Variants in LRMDA observed in about 807,000 individuals in gnomAD.
The protein encoded by LRMDA is leucine rich melanocyte differentiation associated.
LRMDA carries 18 observed loss-of-function variants against 29.8 expected under a neutral mutation model. The observed-to-expected ratio is 0.60, with a 90% CI of 0.42 to 0.90. The LOEUF is 0.90. Ranked by LOEUF, LRMDA falls within the 40% of genes least tolerant of loss-of-function variation. LRMDA has a pLI of 0.00. For synonymous variants in LRMDA, 125 were observed against 109.4 expected, an observed-to-expected ratio of 1.14 and a Z score of -0.89; for missense variants, 273 against 273.9, an observed-to-expected ratio of 1.00 and a Z score of 0.02.
chr10:75,442,881 A>G (rs923893446), intron 2 of LRMDA, among the ~76,000 whole-genome samples: 1 of 152,046 alleles, frequency 6.6e-6, no homozygotes, highest in African/African-American at 2.4e-5. Flanking sequence ...AGTTTCTTTC[A>G]TCAATGTTTT....
At chr10:76,423,294 T>C (rs1842089138) in intron 6 of LRMDA, among the ~76,000 whole-genome samples, 1 of 152,116 alleles carries the variant, frequency 6.6e-6, no homozygotes, top group Non-Finnish European at 1.5e-5. Context: ...CTTGTGAGGC[T>C]GAGGTGGGAG....
chr10:75,815,632 T>C (rs1191940915), intron 2 of LRMDA, among the ~76,000 whole-genome samples: 2 of 152,152 alleles, frequency 1.3e-5, no homozygotes. Context: ...ACTCTGTTAG[T>C]TTAGGTCAGT....
intron 2 of LRMDA, among the ~76,000 whole-genome samples, chr10:75,829,408 A>C (rs1253277728): frequency 6.6e-6 from 1 of 152,184 alleles, no homozygotes; most frequent in Non-Finnish European, 1.5e-5. Context: ...GTGGCCCTGC[A>C]GCTTCTCTCT....
chr10:75,993,600 G>A (rs537392933), intron 2 of LRMDA, among the ~76,000 whole-genome samples: 7 of 152,076 alleles, frequency 4.6e-5, no homozygotes, highest in Admixed American at 4.6e-4. Flanking sequence ...AGGCGTGATG[G>A]TGGGTGCCTG....
In LRMDA at chr10:76,131,865, C is replaced by T. The variant is rs192405905; in HGVS notation, c.516+73082C>T. 7.3e-4 allele frequency among the ~76,000 whole-genome samples: 111 copies of T among 152,304 alleles called. 1 individual carries two copies. In the East Asian group the frequency reaches 0.018, roughly 25 times the overall value. On this transcript the variant is annotated intron_variant, in intron 5 of 6. Transcript: ENST00000611255. Reference sequence around the variant, plus strand: ...AGGATCTATACGACAAACAGCTATACTGTCAGCCCAGCTACTGTGCTTAGA... The same window carrying T: ...AGGATCTATACGACAAACAGCTATATTGTCAGCCCAGCTACTGTGCTTAGA...
chr10:76,211,904 G>A (rs1200348781), intron 5 of LRMDA, among the ~76,000 whole-genome samples: 1 of 152,102 alleles, frequency 6.6e-6, no homozygotes, highest in African/African-American at 2.4e-5. Context: ...TCTCCCTGGT[G>A]CACAGAATTG....
intron 2 of LRMDA, among the ~76,000 whole-genome samples, chr10:75,673,459 A>T (rs895463467): frequency 6.6e-6 from 1 of 152,174 alleles, no homozygotes; most frequent in Admixed American, 6.5e-5. Context: ...CCATAAACAC[A>T]AAGTATGGAA....
At chr10:76,486,642 T>G (rs1842785296) in intron 6 of LRMDA, among the ~76,000 whole-genome samples, 1 of 151,940 alleles carries the variant, frequency 6.6e-6, no homozygotes, top group African/African-American at 2.4e-5. Context: ...GTGGGGACCT[T>G]CTTTAGGTTC....
In LRMDA at chr10:75,552,079, G is replaced by T. The variant is rs139882526; in HGVS notation, c.131+113585G>T. On this transcript the variant is annotated intron_variant, in intron 2 of 6. Transcript: ENST00000611255. Reference sequence around the variant, plus strand: ...TAGACCGTGTCTCTAAAAAATAAAAGAAATAAAAACAATCTGTCTTTTATT... The same window carrying T: ...TAGACCGTGTCTCTAAAAAATAAAATAAATAAAAACAATCTGTCTTTTATT... 2.9e-3 allele frequency among the ~76,000 whole-genome samples: 446 copies of T among 152,124 alleles called. 4 individuals are homozygous for T. Among genetic ancestry groups the T allele is most frequent in the African/African-American group, 0.01 (420 of 41,500 alleles).
rs141999708 is a variant in LRMDA, at chr10:76,082,857, A to G, written c.516+24074A>G. ...AAATATCCCGATGAAATTCTTGCAT[A>G]GGTCCATAAGGAAGTTCGTAGGAGG... is the stretch of plus-strand genomic sequence containing the variant. On this transcript the variant is annotated intron_variant, in intron 5 of 6. Transcript: ENST00000611255. Among the ~76,000 whole-genome samples, 1,426 of 152,300 alleles carry G rather than the reference A, an allele frequency of 9.4e-3. 24 individuals are homozygous for G. Among genetic ancestry groups the G allele is most frequent in the African/African-American group, 0.031 (1,278 of 41,542 alleles).
intron 5 of LRMDA, among the ~76,000 whole-genome samples, chr10:76,153,121 G>T (rs530517539): frequency 6.6e-6 from 1 of 152,266 alleles, no homozygotes; most frequent in Admixed American, 6.5e-5. Context: ...TTACAGGCAT[G>T]AGCCACCACG....
intron 6 of LRMDA, among the ~76,000 whole-genome samples, chr10:76,507,512 A>G (rs561278226): frequency 2.0e-5 from 3 of 151,814 alleles, no homozygotes; most frequent in Non-Finnish European, 2.9e-5. Context: ...ATCTAATACT[A>G]TTTGTCTGTC....
intron 2 of LRMDA, among the ~76,000 whole-genome samples, chr10:75,745,210 A>AT (rs1288069333): frequency 6.6e-6 from 1 of 152,140 alleles, no homozygotes; most frequent in African/African-American, 2.4e-5. Context: ...CTAACTGTAG[A>AT]TTTTTTAATA....
At chr10:76,101,289 T>TCTTG (rs1849390491) in intron 5 of LRMDA, among the ~76,000 whole-genome samples, 1 of 152,236 alleles carries the variant, frequency 6.6e-6, no homozygotes, top group Admixed American at 6.5e-5. Context: ...CTATGCCACA[T>TCTTG]CTTGGTCTTA....
intron 3 of LRMDA, among the ~76,000 whole-genome samples, chr10:76,038,533 T>G (rs922641163): frequency 6.6e-6 from 1 of 152,238 alleles, no homozygotes; most frequent in African/African-American, 2.4e-5. Flanking sequence ...CTTTCCTTTT[T>G]TCTCCTCTGC....
chr10:76,183,631 A>C (rs1183933557), intron 5 of LRMDA, among the ~76,000 whole-genome samples: 1 of 152,266 alleles, frequency 6.6e-6, no homozygotes, highest in Non-Finnish European at 1.5e-5. Flanking sequence ...TAAGCAGATC[A>C]AGATCCATGT....
At chr10:76,517,939 CAT>C (rs71024602) in intron 6 of LRMDA, among the ~76,000 whole-genome samples, 62,852 of 144,072 alleles carry the variant, frequency 0.44, 14,290 homozygotes, top group Non-Finnish European at 0.51. Flanking sequence ...TATATATAAA[CAT>C]ATATATATAT....
At chr10:76,161,731 A>T (rs1304818176) in intron 5 of LRMDA, among the ~76,000 whole-genome samples, 1 of 152,194 alleles carries the variant, frequency 6.6e-6, no homozygotes. Context: ...CTGTCTTTTA[A>T]CAGGACAGAG....
chr10:76,261,184 C>T (rs1030806316), intron 5 of LRMDA, among the ~76,000 whole-genome samples: 5 of 151,592 alleles, frequency 3.3e-5, no homozygotes, highest in Non-Finnish European at 7.4e-5. Flanking sequence ...CCTGCCTCAG[C>T]CTCCCAAGTA....
Sources: gnomAD v4.1 joint callset for allele counts (sites outside exome capture counted in the v4.1 genomes callset) on GRCh38, gnomAD v4.1.1 for gene constraint, MANE v1.5 for transcripts, NCBI Gene and HGNC (gene_info 2026-07-23, HGNC 2026-07-21) for gene names.